LYST: variants seen among roughly 807,000 people sequenced by gnomAD.
LYST encodes the protein lysosomal trafficking regulator.
A neutral mutation model predicts 413.6 loss-of-function variants in LYST; 192 were observed. The observed-to-expected ratio is 0.46, with a 90% CI of 0.41 to 0.52. LYST has a LOEUF of 0.52. Ranked by LOEUF, LYST falls within the 20% of genes least tolerant of loss-of-function variation. LYST has a pLI of 0.00. For missense variants in LYST, 3,815 were observed against 4,499.9 expected, an observed-to-expected ratio of 0.85 and a Z score of 4.35; for synonymous variants, 1,525 against 1,567.3, an observed-to-expected ratio of 0.97 and a Z score of 0.64.
chr1:235,680,398 G>A (rs1255728190), intron 48 of LYST, among the ~76,000 whole-genome samples: 2 of 152,008 alleles, frequency 1.3e-5, no homozygotes, highest in East Asian at 3.9e-4. Context: ...AGGACTATAG[G>A]TATGCACTAC....
chr1:235,817,901 C>G (rs752611982), intron 3 of LYST, among the ~76,000 whole-genome samples: 1 of 152,030 alleles, frequency 6.6e-6, no homozygotes, highest in Non-Finnish European at 1.5e-5. Context: ...CAAAAATGAT[C>G]TATTCATTAA....
At chr1:235,858,094 T>C (rs1403111619) in intron 1 of LYST, among the ~76,000 whole-genome samples, 1 of 152,200 alleles carries the variant, frequency 6.6e-6, no homozygotes, top group African/African-American at 2.4e-5. Flanking sequence ...ATAAGAACAA[T>C]TGATTCCAAC....
chr1:235,865,839 T>TA (rs1347236843), intron 1 of LYST, among the ~76,000 whole-genome samples: 5 of 152,208 alleles, frequency 3.3e-5, no homozygotes, highest in Non-Finnish European at 5.9e-5. Flanking sequence ...ATCAATCTGT[T>TA]AAACAAACAA....
chr1:235,719,820 T>A (rs1321043498), intron 40 of LYST, among the ~76,000 whole-genome samples: 1 of 151,818 alleles, frequency 6.6e-6, no homozygotes, highest in Non-Finnish European at 1.5e-5. Flanking sequence ...TCCAAAAGAA[T>A]AAGTGACCTG....
chr1:235,786,305 T>C (rs954508598), intron 14 of LYST, among the ~76,000 whole-genome samples: 1 of 152,094 alleles, frequency 6.6e-6, no homozygotes, highest in Non-Finnish European at 1.5e-5. Flanking sequence ...TAAGTTAAAG[T>C]ATAGTAAATT....
chr1:235,876,502 C>T (rs550811738), intron 1 of LYST, among the ~76,000 whole-genome samples: 2 of 152,312 alleles, frequency 1.3e-5, no homozygotes, highest in African/African-American at 4.8e-5. Context: ...GCTGATGACA[C>T]AGAAGAATAT....
chr1:235,746,940 A>G (rs1408344706), intron 28 of LYST, among the ~76,000 whole-genome samples: 2 of 152,234 alleles, frequency 1.3e-5, no homozygotes, highest in Non-Finnish European at 2.9e-5. Flanking sequence ...CTGGGTAATT[A>G]CTGTTGTTGA....
chr1:235,693,628 G>C (rs532996932), intron 46 of LYST, 142 bp from the exon 47 acceptor site: 29 of 865,232 alleles, frequency 3.4e-5, no homozygotes, highest in African/African-American at 2.2e-4. Flanking sequence ...TCTCTAAAAT[G>C]GAACAATTTT....
Position 235,830,309 on chromosome 1 carries a change from TCTC to T in LYST, c.106_108del (p.Glu36del), listed in dbSNP as rs1675818657. ...TACTGTCCAAGGGTTGCCATGTGCG[TCTC>T]CTCCTCTTCTTCCTCCCTGGCCTCC... On this transcript the variant is annotated inframe_deletion, in exon 3 of 53. Transcript: ENST00000389793. 6.2e-7 allele frequency: 1 copy of T among 1,613,956 alleles called. No homozygotes were observed. The highest frequency in any genetic ancestry group is 8.5e-7 in the Non-Finnish European group (1 of 1,179,868).
At chr1:235,712,440 T>A (rs1055833307) in intron 42 of LYST, 13 of 343,068 alleles carry the variant, frequency 3.8e-5, no homozygotes, top group African/African-American at 2.6e-4. Context: ...GTTTATATCA[T>A]CTATTTGTTT....
intron 1 of LYST, among the ~76,000 whole-genome samples, chr1:235,880,988 T>C (rs1045347732): frequency 6.6e-6 from 1 of 151,876 alleles, no homozygotes; most frequent in Non-Finnish European, 1.5e-5. Context: ...TAGCCGGGCG[T>C]GGTGGAGGGT....
At chr1:235,749,808 G>A (rs187357084) in intron 28 of LYST, among the ~76,000 whole-genome samples, 16 of 152,230 alleles carry the variant, frequency 1.1e-4, no homozygotes, top group Admixed American at 3.9e-4. Context: ...TTGAAGTTAC[G>A]TAGGGCTCTA....
intron 28 of LYST, among the ~76,000 whole-genome samples, chr1:235,750,686 T>C (rs1284489200): frequency 6.6e-6 from 1 of 152,212 alleles, no homozygotes; most frequent in African/African-American, 2.4e-5. Flanking sequence ...TATTAATGTT[T>C]ATTATTTGAT....
At chr1:235,688,678 C>T (rs180935953) in intron 47 of LYST, among the ~76,000 whole-genome samples, 6 of 152,164 alleles carry the variant, frequency 3.9e-5, no homozygotes, top group East Asian at 1.9e-4. Flanking sequence ...AATCTCAGAG[C>T]GTGAGTCTTT....
Position 235,738,648 on chromosome 1 carries a change from G to C in LYST, c.8358+2774C>G. ...TGTCTCCCTCAAGACTCTGCACCCA[G>C]ATTTAGGGACTGACATAGATAAGGA... On this transcript the variant is annotated intron_variant, in intron 31 of 52. Coordinates refer to ENST00000389793, the MANE Select transcript of LYST (RefSeq NM_000081.4). 3 of 1,607,716 alleles carry C rather than the reference G, an allele frequency of 1.9e-6. No individual in the cohort carries two copies. In the Admixed American group the frequency reaches 5.0e-5, roughly 27 times the overall value.
At chr1:235,725,600 T>G (rs1463792242) in intron 38 of LYST, among the ~76,000 whole-genome samples, 1 of 152,164 alleles carries the variant, frequency 6.6e-6, no homozygotes, top group African/African-American at 2.4e-5. Flanking sequence ...CTGGATGGCC[T>G]GGAAACGCCC....
chr1:235,791,248 C>A (rs1670953036), intron 12 of LYST, among the ~76,000 whole-genome samples: 1 of 152,130 alleles, frequency 6.6e-6, no homozygotes, highest in East Asian at 1.9e-4. Flanking sequence ...CGCCATTGCA[C>A]TCTAGCCTGG....
intron 1 of LYST, among the ~76,000 whole-genome samples, chr1:235,875,394 C>T (rs577275321): frequency 6.6e-6 from 1 of 152,234 alleles, no homozygotes; most frequent in East Asian, 1.9e-4. Flanking sequence ...TATCCTGGGA[C>T]AAATATCTTG....
Position 235,707,481 on chromosome 1 carries a change from G to C in LYST, c.10143+1610C>G, listed in dbSNP as rs534626561. On this transcript the variant is annotated intron_variant, in intron 44 of 52. Coordinates refer to ENST00000389793, the MANE Select transcript of LYST (RefSeq NM_000081.4). ...TCACTAAAAATACAAAAATTAGCCA[G>C]GTGCGGTGGTGGGCGCCTGTAATCC... Among the ~76,000 whole-genome samples the C allele has an allele frequency of 1.5e-4, 23 of 152,156 alleles. No individual in the cohort carries two copies. The South Asian group carries it at 4.6e-3, about 30-fold the overall frequency.
Sources: allele counts gnomAD v4.1 joint callset (sites outside exome capture counted in the v4.1 genomes callset), GRCh38; gene constraint gnomAD v4.1.1; transcripts MANE v1.5; gene names NCBI Gene and HGNC (gene_info 2026-07-23, HGNC 2026-07-21).